THBS4: variants seen among roughly 807,000 people sequenced by gnomAD.
THBS4 encodes the protein thrombospondin 4.
In THBS4, 90 loss-of-function variants were observed where a neutral mutation model predicts 115.7. The observed-to-expected ratio is 0.78, with a 90% CI of 0.66 to 0.93. The LOEUF (loss-of-function observed/expected upper bound fraction) is 0.93, where lower values mean the gene tolerates loss of function less well. Among genes scored for constraint, THBS4 ranks in the 40% least tolerant of loss-of-function variants. The pLI is 0.00. For synonymous variants in THBS4, 460 were observed against 479.3 expected, an observed-to-expected ratio of 0.96 and a Z score of 0.53; for missense variants, 1,087 against 1,232.7, an observed-to-expected ratio of 0.88 and a Z score of 1.77.
Position 80,078,054 on chromosome 5 carries a change from G to A in THBS4, c.2092G>A (p.Gly698Arg), listed in dbSNP as rs201519001. ...CCTTTCTCCACCCCACTCAGGCGAC[G>A]GAGTGGGAGACATCTGTGAGTCTGA... is the stretch of plus-strand genomic sequence containing the variant. ...NPAQEDSNSD[G>R]VGDICESDFD... is the part of the protein sequence containing the mutation. The change falls in exon 17 of 22, where the codon GGA becomes AGA. Residue 698 changes from glycine (G) to arginine (R), a missense_variant. Coordinates refer to ENST00000350881, the MANE Select transcript of THBS4 (RefSeq NM_003248.6). 5.1e-5 allele frequency: 80 copies of A among 1,577,254 alleles called. No homozygotes were observed. The East Asian group carries it at 5.7e-4, about 11-fold the overall frequency.
intron 2 of THBS4, among the ~76,000 whole-genome samples, chr5:80,049,389 AG>A (rs1833179614): frequency 6.6e-6 from 1 of 152,172 alleles, no homozygotes; most frequent in Non-Finnish European, 1.5e-5. Context: ...CTGGGGTTAC[AG>A]GCAGGCGCCA....
intron 21 of THBS4, 113 bp from the exon 22 acceptor site, chr5:80,082,967 C>T: frequency 1.7e-6 from 1 of 597,476 alleles, no homozygotes; most frequent in Non-Finnish European, 2.5e-6. Context: ...GCCTGCGGGG[C>T]GTCCTGGGCG....
chr5:80,082,935 G>A (rs1406679048), intron 21 of THBS4, 145 bp from the exon 22 acceptor site: 3 of 753,856 alleles, frequency 4.0e-6, no homozygotes, highest in Admixed American at 2.4e-5. Flanking sequence ...AAAGCAGCCT[G>A]CAGGAGAAAA....
intron 2 of THBS4, among the ~76,000 whole-genome samples, chr5:79,999,066 T>G (rs1831850855): frequency 2.6e-5 from 4 of 152,324 alleles, no homozygotes; most frequent in Middle Eastern, 3.4e-3. Flanking sequence ...ACTGGAATCC[T>G]TAATATAAAC....
In THBS4 at chr5:80,023,532, G is replaced by A. The variant is rs114976102; in HGVS notation, n.178-16545G>A. Among the ~76,000 whole-genome samples, 73 of 152,162 alleles carry A rather than the reference G, an allele frequency of 4.8e-4. 2 individuals are homozygous for A. The highest frequency in any genetic ancestry group is 2.9e-3 in the South Asian group (14 of 4,818). Reference sequence around the variant, plus strand: ...GTCAACAATAACCTACAGTTTCCCCGTTTCCTCTTATTTAAGCTTTGGGTG... The same window carrying A: ...GTCAACAATAACCTACAGTTTCCCCATTTCCTCTTATTTAAGCTTTGGGTG... On this transcript the variant is annotated intron_variant and non_coding_transcript_variant, in intron 2 of 3. Transcript: ENST00000510218.
rs1203777295 is a variant in THBS4, at chr5:80,072,347, G to A, written c.1790G>A (p.Gly597Asp). 1 of 1,614,212 alleles carries A rather than the reference G, an allele frequency of 6.2e-7. No homozygotes were observed. The highest frequency in any genetic ancestry group is 8.5e-7 in the Non-Finnish European group (1 of 1,180,036). The change falls in exon 14 of 22, where the codon GGT becomes GAT. Residue 597 changes from glycine to aspartate, a missense_variant. Gly to Asp is a moderately conservative substitution (Grantham distance 94). Coordinates refer to ENST00000350881, the MANE Select transcript of THBS4 (RefSeq NM_003248.6). Reference protein sequence around the residue: ...NRDQRDKDGDGVGDACDSCPD... With the variant: ...NRDQRDKDGDDVGDACDSCPD... ...GACCAACGGGACAAGGATGGTGATG[G>A]TGTGGGGGATGCCTGTGACAGTTGT...
At chr5:80,038,561 A>G (rs945240526) in intron 1 of THBS4, among the ~76,000 whole-genome samples, 5 of 152,088 alleles carry the variant, frequency 3.3e-5, no homozygotes, top group Admixed American at 6.6e-5. Context: ...AATCTCAGCC[A>G]AGCCCTTCTC....
At chr5:80,080,106 G>A in intron 20 of THBS4, 29 bp downstream of exon 20, 4 of 1,601,556 alleles carry the variant, frequency 2.5e-6, no homozygotes, top group Non-Finnish European at 3.4e-6. Flanking sequence ...TCCTTACCTT[G>A]CTCTAGAAGC....
intron 3 of THBS4, among the ~76,000 whole-genome samples, chr5:80,057,625 GATATA>G (rs1221565320): frequency 1.3e-5 from 2 of 152,128 alleles, no homozygotes; most frequent in Non-Finnish European, 2.9e-5. Flanking sequence ...GTTGTATATA[GATATA>G]ATAAAGGTGA....
At position 80,053,206 on chromosome 5, in the gene THBS4, T is replaced by A. The variant is rs200911362; in HGVS notation, c.293-2579T>A. 6.6e-5 allele frequency: 10 copies of A among 152,078 alleles called. No individual in the cohort carries two copies. The East Asian group carries it at 1.9e-3, about 29-fold the overall frequency. The allele number at this position is 152,078 out of a possible 1,614,324, so 9.4% of individuals were successfully genotyped here. On this transcript the variant is annotated intron_variant, in intron 2 of 21. Transcript: ENST00000350881. Reference sequence around the variant, plus strand: ...TCTAAACCCATATTGACCTATAACCTCCTTTTTTTTTTACTTAACAAAATA... The same window carrying A: ...TCTAAACCCATATTGACCTATAACCACCTTTTTTTTTTACTTAACAAAATA...
chr5:80,041,254 T>C (rs978036112), intron 2 of THBS4, among the ~76,000 whole-genome samples: 6 of 152,142 alleles, frequency 3.9e-5, no homozygotes, highest in Admixed American at 2.0e-4. Context: ...CTCTCTTGTG[T>C]CTCTTCTTAT....
chr5:80,078,835 C>T (rs1375684616), intron 17 of THBS4, 86 bp from the exon 18 acceptor site: 4 of 1,326,348 alleles, frequency 3.0e-6, no homozygotes, highest in Non-Finnish European at 3.2e-6. Context: ...TGGCCACTCA[C>T]TCATATGGTG....
At chr5:80,013,790 T>C (rs1258446758) in intron 2 of THBS4, among the ~76,000 whole-genome samples, 6 of 152,190 alleles carry the variant, frequency 3.9e-5, no homozygotes, top group Non-Finnish European at 8.8e-5. Flanking sequence ...AATAATACTT[T>C]CACAAGGCTA....
chr5:80,060,895 G>A (rs1833609707), intron 7 of THBS4, among the ~76,000 whole-genome samples: 1 of 152,236 alleles, frequency 6.6e-6, no homozygotes, highest in African/African-American at 2.4e-5. Flanking sequence ...GCTGAAAGGA[G>A]AAGCGCAGGG....
In THBS4 at chr5:80,035,380, A is replaced by C; in HGVS notation, c.-158A>C. ...AGCTCCCCAGCACCGCACGGCGGGG[A>C]CGCGAGCGCGCCCCCGACGGCAGCC... On this transcript the variant is annotated 5_prime_UTR_variant, in exon 1 of 22. Coordinates refer to ENST00000350881, the MANE Select transcript of THBS4 (RefSeq NM_003248.6). The surrounding 1 kb of genome is among the most constrained non-coding windows in gnomAD (Gnocchi z 4.6). The C allele has an allele frequency of 7.7e-6, 2 of 258,490 alleles. No individual in the cohort carries two copies. Among genetic ancestry groups the C allele is most frequent in the African/African-American group, 2.3e-5 (1 of 43,436 alleles). 16.0% of individuals were successfully genotyped at this position (258,490 alleles called of 1,614,324 possible). A position where few individuals can be genotyped will look rare whatever the true frequency, so the allele number is the denominator to read the frequency against.
rs199505724 is a variant in THBS4 at position 80,011,837 on chromosome 5, G to A, written n.177+13410G>A. On this transcript the variant is annotated intron_variant and non_coding_transcript_variant, in intron 2 of 3. Transcript: ENST00000510218. Reference sequence around the variant, plus strand: ...CTACATATCAGAAAAAGTCACTTAAGGTAAAAGATAAAATATGCTGAGAAA... The same window carrying A: ...CTACATATCAGAAAAAGTCACTTAAAGTAAAAGATAAAATATGCTGAGAAA... Among the ~76,000 whole-genome samples the A allele has an allele frequency of 1.6e-3, 226 of 139,710 alleles. 5 individuals are homozygous for A. The East Asian group carries it at 0.045, about 28-fold the overall frequency. 91.7% of individuals were successfully genotyped at this position (139,710 alleles called of 152,430 possible). A position where few individuals can be genotyped will look rare whatever the true frequency, so the allele number is the denominator to read the frequency against.
chr5:80,082,962 CGGGGCG>C (rs1743597054), intron 21 of THBS4, 112 bp from the exon 22 acceptor site: 4 of 587,436 alleles, frequency 6.8e-6, no homozygotes, highest in Admixed American at 4.2e-5. Context: ...CGAGGGCCTG[CGGGGCG>C]TCCTGGGCGG....
chr5:80,006,345 G>C (rs933075514), intron 2 of THBS4, among the ~76,000 whole-genome samples: 2 of 152,200 alleles, frequency 1.3e-5, no homozygotes, highest in African/African-American at 4.8e-5. Flanking sequence ...TAGTGAATAA[G>C]TTTCACAAGA....
intron 2 of THBS4, among the ~76,000 whole-genome samples, chr5:80,009,286 A>C (rs1018480948): frequency 2.0e-5 from 3 of 152,242 alleles, no homozygotes; most frequent in African/African-American, 7.2e-5. Flanking sequence ...GTGTCCAAAA[A>C]ACAAATTGCC....
Sources: gnomAD v4.1 joint callset for allele counts (sites outside exome capture counted in the v4.1 genomes callset) on GRCh38, gnomAD v4.1.1 for gene constraint, Gnocchi (gnomAD v3.1) non-coding constraint, MANE v1.5 for transcripts, NCBI Gene and HGNC (gene_info 2026-07-23, HGNC 2026-07-21) for gene names.